The following MGRN1 variants were observed in gnomAD, a reference collection of about 807,000 sequenced individuals.
MGRN1 encodes mahogunin ring finger 1, also known as E3 ubiquitin-protein ligase MGRN1.
In MGRN1, 29 loss-of-function variants were observed where a neutral mutation model predicts 69.2. The ratio of observed to expected loss-of-function variants is 0.42; its 90% confidence interval spans 0.31 to 0.57. The LOEUF (loss-of-function observed/expected upper bound fraction) is 0.57. Among genes scored for constraint, MGRN1 ranks in the 20% least tolerant of loss-of-function variants. The pLI, the probability that MGRN1 is intolerant of heterozygous loss-of-function variation, is 0.15. For missense variants in MGRN1, 998 were observed against 796.2 expected, an observed-to-expected ratio of 1.25 and a Z score of -3.05; for synonymous variants, 470 against 344.2, an observed-to-expected ratio of 1.37 and a Z score of -4.04.
At position 4,665,256 on chromosome 16, in the gene MGRN1, CTGAG is replaced by C. The variant is rs755431662; in HGVS notation, c.678+108_678+111del. The stretch of plus-strand genomic sequence containing the variant: ...CAGGGGCTGGGGCTTGGTGGGGTGG[CTGAG>C]TGTCAAGGGCCCCGGGGCAGGTTGG... On this transcript the variant is annotated intron_variant, in intron 7 of 16. Transcript: ENST00000262370. The C allele has an allele frequency of 2.7e-3, 3,548 of 1,290,326 alleles. 9 individuals are homozygous for C. The highest frequency in any genetic ancestry group is 3.7e-3 in the Non-Finnish European group (3,374 of 910,848). 79.9% of individuals were successfully genotyped at this position (1,290,326 alleles called of 1,614,324 possible).
intron 1 of MGRN1, among the ~76,000 whole-genome samples, chr16:4,629,753 AT>A (rs1897900944): frequency 6.7e-6 from 1 of 149,420 alleles, no homozygotes; most frequent in Non-Finnish European, 1.5e-5. Flanking sequence ...AAAAAAAAAA[AT>A]CATACAGGCG....
At chr16:4,674,026 C>T (rs1182895566) in intron 10 of MGRN1, among the ~76,000 whole-genome samples, 1 of 152,166 alleles carries the variant, frequency 6.6e-6, no homozygotes, top group Non-Finnish European at 1.5e-5. Flanking sequence ...GTGCTGTCGC[C>T]CAGGCTGGAG....
intron 7 of MGRN1, among the ~76,000 whole-genome samples, chr16:4,666,692 G>A (rs551322392): frequency 6.6e-6 from 1 of 152,184 alleles, no homozygotes; most frequent in Non-Finnish European, 1.5e-5. Flanking sequence ...CAGTCCTGCT[G>A]CTCCTTCCGC....
chr16:4,637,685 G>T (rs192304828), intron 1 of MGRN1, among the ~76,000 whole-genome samples: 6 of 152,358 alleles, frequency 3.9e-5, no homozygotes, highest in Admixed American at 2.6e-4. Flanking sequence ...GCGCCATCCT[G>T]CAGTCCTGCA....
chr16:4,643,211 C>T (rs997620865), intron 1 of MGRN1, among the ~76,000 whole-genome samples: 2 of 151,956 alleles, frequency 1.3e-5, no homozygotes, highest in African/African-American at 2.4e-5. Flanking sequence ...CCACTCCTCT[C>T]GGCCTCCCAG....
At chr16:4,631,142 T>G (rs1020906216) in intron 1 of MGRN1, among the ~76,000 whole-genome samples, 1 of 152,212 alleles carries the variant, frequency 6.6e-6, no homozygotes, top group Admixed American at 6.5e-5. Flanking sequence ...GTTTCACTTA[T>G]GGCTTGAGAT....
intron 5 of MGRN1, among the ~76,000 whole-genome samples, chr16:4,660,098 G>A (rs888857017): frequency 6.6e-6 from 1 of 152,248 alleles, no homozygotes; most frequent in African/African-American, 2.4e-5. Context: ...CATCAAGAGC[G>A]CAGCTGCAAG....
chr16:4,677,607 A>T, intron 11 of MGRN1, 35 bp downstream of exon 11: 1 of 1,587,046 alleles, frequency 6.3e-7, no homozygotes, highest in Non-Finnish European at 8.5e-7. Context: ...GATGGGCGGG[A>T]GAGGGGCATG....
At chr16:4,684,533 G>A (rs2079263467) in intron 16 of MGRN1, among the ~76,000 whole-genome samples, 1 of 152,246 alleles carries the variant, frequency 6.6e-6, no homozygotes, top group Non-Finnish European at 1.5e-5. Flanking sequence ...CCCAGGCCAG[G>A]CACAGAGGAC....
At chr16:4,683,185 C>G (rs1270608150) in intron 14 of MGRN1, 39 bp from the exon 15 acceptor site, 1 of 1,610,644 alleles carries the variant, frequency 6.2e-7, no homozygotes, top group Non-Finnish European at 8.5e-7. Context: ...GTGGCCGCGG[C>G]TCTCTGAGCT....
At chr16:4,654,348 A>G (rs187767121) in intron 4 of MGRN1, among the ~76,000 whole-genome samples, 239 of 152,298 alleles carry the variant, frequency 1.6e-3, no homozygotes, top group African/African-American at 5.6e-3. Context: ...GGGACCAAAT[A>G]TTTATTTTTT....
At chr16:4,684,051 C>T in intron 16 of MGRN1, 119 bp downstream of exon 16, 1 of 877,922 alleles carries the variant, frequency 1.1e-6, no homozygotes, top group Non-Finnish European at 1.7e-6. Context: ...GCCTGGTTCT[C>T]TCCCTGGCTC....
At chr16:4,669,430 T>TC (rs1327369812) in intron 8 of MGRN1, among the ~76,000 whole-genome samples, 1 of 44,694 alleles carries the variant, frequency 2.2e-5, no homozygotes, top group Admixed American at 1.9e-4. Flanking sequence ...GAAGACTGTG[T>TC]CAAAAAAAAA....
intron 10 of MGRN1, among the ~76,000 whole-genome samples, chr16:4,674,416 G>A (rs1009399766): frequency 1.3e-5 from 2 of 151,520 alleles, no homozygotes; most frequent in Non-Finnish European, 2.9e-5. Flanking sequence ...AGCCTCCTGA[G>A]TAGATGGGAT....
intron 1 of MGRN1, chr16:4,649,637 C>G (rs1228238872): frequency 6.6e-6 from 1 of 152,290 alleles, no homozygotes; most frequent in South Asian, 2.1e-4. Context: ...CTCCTCTTAA[C>G]TTGATTACAT....
At chr16:4,680,131 C>T (rs778057516) in intron 12 of MGRN1, 34 bp downstream of exon 12, 22 of 1,601,604 alleles carry the variant, frequency 1.4e-5, no homozygotes, top group Non-Finnish European at 1.8e-5. Context: ...CGTTTTTTTG[C>T]CCCCGCCCTC....
At chr16:4,628,630 C>T (rs1261208534) in intron 1 of MGRN1, among the ~76,000 whole-genome samples, 5 of 152,172 alleles carry the variant, frequency 3.3e-5, no homozygotes, top group East Asian at 1.9e-4. Flanking sequence ...GTGCAACGTC[C>T]GCCTCCTGGG....
chr16:4,684,559 C>T (rs567569087), intron 16 of MGRN1, among the ~76,000 whole-genome samples: 79 of 152,350 alleles, frequency 5.2e-4, no homozygotes, highest in Non-Finnish European at 9.6e-4. Flanking sequence ...GGGCGCCAGG[C>T]GCCAGCGGGG....
At chr16:4,642,461 C>A (rs999953643) in intron 1 of MGRN1, among the ~76,000 whole-genome samples, 9 of 132,706 alleles carry the variant, frequency 6.8e-5, no homozygotes, top group Non-Finnish European at 1.1e-4. Flanking sequence ...CCACGGCCAG[C>A]TAATTTGTGT....
Sources: allele counts gnomAD v4.1 joint callset (sites outside exome capture counted in the v4.1 genomes callset), GRCh38; gene constraint gnomAD v4.1.1; transcripts MANE v1.5; gene names NCBI Gene and HGNC (gene_info 2026-07-23, HGNC 2026-07-21).